Variants in PHC2 observed in about 807,000 individuals in gnomAD.
PHC2 encodes the protein polyhomeotic-like protein 2.
A neutral mutation model predicts 87.4 loss-of-function variants in PHC2; 29 were observed. The ratio of observed to expected loss-of-function variants is 0.33; its 90% confidence interval spans 0.25 to 0.45. The LOEUF (loss-of-function observed/expected upper bound fraction) is 0.45, where lower values mean the gene tolerates loss of function less well. Ranked by LOEUF, PHC2 falls within the 20% of genes least tolerant of loss-of-function variation. The pLI, the probability that PHC2 is intolerant of heterozygous loss-of-function variation, is 1.00. For missense variants in PHC2, 857 were observed against 1,136.7 expected, an observed-to-expected ratio of 0.75 and a Z score of 3.54; for synonymous variants, 438 against 461.7, an observed-to-expected ratio of 0.95 and a Z score of 0.66.
chr1:33,324,677 C>T lies in PHC2; in HGVS notation c.*188G>A, dbSNP rs571819948. 2 of 522,656 alleles carry T rather than the reference C, an allele frequency of 3.8e-6. No homozygotes were observed. The highest frequency in any genetic ancestry group is 3.1e-5 in the East Asian group (1 of 32,622). 32.4% of individuals were successfully genotyped at this position (522,656 alleles called of 1,614,324 possible). ...TCTTCTGTGCCACCTACCTCTCTGC[C>T]CCTCCCACAGAAATGAAAGGCCCCT... On this transcript the variant is annotated 3_prime_UTR_variant, in exon 15 of 15. Coordinates refer to ENST00000683057, the MANE Select transcript of PHC2 (RefSeq NM_001385109.1).
chr1:33,345,781 A>G, intron 9 of PHC2: 1 of 985,312 alleles, frequency 1.0e-6, no homozygotes, highest in Non-Finnish European at 1.2e-6. Flanking sequence ...TTTCCTAACA[A>G]TTCCCAAAAT....
intron 2 of PHC2, among the ~76,000 whole-genome samples, chr1:33,373,081 C>G (rs995140792): frequency 1.3e-5 from 2 of 152,076 alleles, no homozygotes; most frequent in Admixed American, 1.3e-4. Flanking sequence ...CCTTACAGAG[C>G]AGGCCAGTGC....
chr1:33,355,124 A>G lies in PHC2; in HGVS notation c.1106T>C (p.Val369Ala). 1 of 1,611,182 alleles carries G rather than the reference A, an allele frequency of 6.2e-7. No homozygotes were observed. Among genetic ancestry groups the G allele is most frequent in the South Asian group, 1.1e-5 (1 of 90,796 alleles). ...QQPPPQQSRPVLQAEPHPQLA... is the reference protein window; with the variant it reads ...QQPPPQQSRPALQAEPHPQLA... ...CTGGGGGTGGGGCTCAGCTTGGAGC[A>G]CAGGCCGTGACTGCTGGGGCGGCGG... The change falls in exon 8 of 15, where the codon GTG becomes GCG. Residue 369 changes from valine to alanine, a missense_variant. Physicochemically the swap from Val to Ala is moderately conservative, Grantham distance 64 (BLOSUM62 0). Transcript: ENST00000683057.
chr1:33,400,536 G>C (rs1272140607), intron 1 of PHC2, among the ~76,000 whole-genome samples: 1 of 152,196 alleles, frequency 6.6e-6, no homozygotes, highest in East Asian at 1.9e-4. Context: ...CCAATTCCAT[G>C]ACATAGGCAT....
chr1:33,331,051 G>A lies in PHC2; in HGVS notation c.2006+297C>T, dbSNP rs1646484020. On this transcript the variant is annotated intron_variant, in intron 12 of 14. Coordinates refer to ENST00000683057, the MANE Select transcript of PHC2 (RefSeq NM_001385109.1). This position sits in a 1 kb window ranked among gnomAD's most constrained non-coding sequence, Gnocchi z 5.2. ...TTCTGGGTAAGGCTTACCCTAACAA[G>A]GCAGGGGCTGTCAATGCTAGGAAAG... 6.6e-6 allele frequency among the ~76,000 whole-genome samples: 1 copy of A among 152,222 alleles called. No homozygotes were observed. Among genetic ancestry groups the A allele is most frequent in the African/African-American group, 2.4e-5 (1 of 41,468 alleles).
chr1:33,393,463 G>GTTTTTTTTTT (rs36030279), intron 1 of PHC2, among the ~76,000 whole-genome samples: 3 of 131,048 alleles, frequency 2.3e-5, no homozygotes, highest in Non-Finnish European at 1.6e-5. Context: ...TTTTCAAGAG[G>GTTTTTTTTTT]TTTTTTTTTT....
chr1:33,383,971 A>G (rs571280649), intron 1 of PHC2, among the ~76,000 whole-genome samples: 2 of 152,266 alleles, frequency 1.3e-5, no homozygotes, highest in South Asian at 2.1e-4. Flanking sequence ...AACATGATAC[A>G]TTTGTGTTGT....
intron 14 of PHC2, among the ~76,000 whole-genome samples, chr1:33,328,310 C>T (rs1646415003): frequency 6.6e-6 from 1 of 152,102 alleles, no homozygotes; most frequent in Admixed American, 6.5e-5. Flanking sequence ...CGCCCTCTTG[C>T]AGTCTCTCCA....
In PHC2 at chr1:33,418,693, T is replaced by C. The variant is rs114625667; in HGVS notation, c.-55+12283A>G. Among the ~76,000 whole-genome samples the C allele has an allele frequency of 4.7e-3, 720 of 152,276 alleles. 3 individuals carry two copies. Among genetic ancestry groups the C allele is most frequent in the Middle Eastern group, 0.017 (5 of 294 alleles). ...AAAAAGAAACAATGCCAATACTATA[T>C]AAACTCTTCTGGAAAACAGAAAAAG... is the stretch of plus-strand genomic sequence containing the variant. On this transcript the variant is annotated intron_variant, in intron 1 of 14. Coordinates refer to ENST00000683057, the MANE Select transcript of PHC2 (RefSeq NM_001385109.1).
At chr1:33,391,073 G>A (rs1422004282) in intron 1 of PHC2, among the ~76,000 whole-genome samples, 1 of 152,114 alleles carries the variant, frequency 6.6e-6, no homozygotes, top group African/African-American at 2.4e-5. Context: ...CAAAGAGTGA[G>A]GTCTTATTAA....
intron 1 of PHC2, among the ~76,000 whole-genome samples, chr1:33,422,497 C>T (rs1650469943): frequency 1.3e-5 from 2 of 152,224 alleles, no homozygotes; most frequent in African/African-American, 4.8e-5. Context: ...TTTGTCATGG[C>T]TTGAAGCTAC....
chr1:33,389,640 AT>A (rs2148359199), intron 1 of PHC2, among the ~76,000 whole-genome samples: 1 of 152,004 alleles, frequency 6.6e-6, no homozygotes, highest in East Asian at 1.9e-4. Flanking sequence ...CCTTACCCTC[AT>A]TTGCCCCAAA....
At position 33,349,823 on chromosome 1, in the gene PHC2, G is replaced by A. The variant is rs1328510845; in HGVS notation, c.1558+4578C>T. On this transcript the variant is annotated intron_variant, in intron 9 of 14. Coordinates refer to ENST00000683057, the MANE Select transcript of PHC2 (RefSeq NM_001385109.1). The surrounding 1 kb of genome is among the most constrained non-coding windows in gnomAD (Gnocchi z 4.2). The stretch of plus-strand genomic sequence containing the variant: ...GGACGGGGGCGCGAGGCCGGGGCGG[G>A]AGCGCGGGCGGCGGCCGGGGTTGCG... 4.1e-6 allele frequency: 4 copies of A among 976,754 alleles called. No individual in the cohort carries two copies. The highest frequency in any genetic ancestry group is 1.3e-4 in the Admixed American group (2 of 15,700). 60.5% of individuals were successfully genotyped at this position (976,754 alleles called of 1,614,324 possible). A position where few individuals can be genotyped will look rare whatever the true frequency, so the allele number is the denominator to read the frequency against.
At chr1:33,381,028 T>C (rs975077690) in intron 1 of PHC2, among the ~76,000 whole-genome samples, 3 of 152,224 alleles carry the variant, frequency 2.0e-5, no homozygotes, top group African/African-American at 7.2e-5. Flanking sequence ...CAATTTTTCA[T>C]GTAACCAACT....
In PHC2 at chr1:33,370,573, C is replaced by T; in HGVS notation, c.424G>A (p.Ala142Thr). Residue 142 changes from alanine to threonine, a missense_variant, in exon 5 of 15, where the codon GCC becomes ACC. Around this residue, in one of 3 missense-constraint regions of PHC2, gnomAD observed 832 missense variants for 1,081.8 expected, o/e 0.77. Transcript: ENST00000683057. ...PAQSSSINLA[A>T]SPAAAQLLNR... ...AGGAGCTGGGCTGCTGCTGGGGAGG[C>T]TGCCAGGTTGATCTAATGAGAGAGA... is the stretch of plus-strand genomic sequence containing the variant. The T allele has an allele frequency of 1.2e-6, 2 of 1,612,664 alleles. No homozygotes were observed. Among genetic ancestry groups the T allele is most frequent in the African/African-American group, 1.3e-5 (1 of 75,034 alleles).
At chr1:33,353,025 C>T (rs1428303363) in intron 9 of PHC2, among the ~76,000 whole-genome samples, 2 of 152,138 alleles carry the variant, frequency 1.3e-5, no homozygotes, top group Admixed American at 1.3e-4. Flanking sequence ...AGGGAACAGC[C>T]CTGCCCCTGA....
At position 33,349,518 on chromosome 1, in the gene PHC2, G is replaced by A; in HGVS notation, c.1558+4883C>T. Reference sequence around the variant, plus strand: ...CCGGGCCGTTAGGGGCACCGAGGGCGGTGCCCGACTTCCAGTGCGGCGAGC... The same window carrying A: ...CCGGGCCGTTAGGGGCACCGAGGGCAGTGCCCGACTTCCAGTGCGGCGAGC... On this transcript the variant is annotated intron_variant, in intron 9 of 14. Transcript: ENST00000683057. This position sits in a 1 kb window ranked among gnomAD's most constrained non-coding sequence, Gnocchi z 4.2. The A allele has an allele frequency of 2.0e-6, 2 of 984,272 alleles. No homozygotes were observed. The highest frequency in any genetic ancestry group is 9.4e-5 in the South Asian group (2 of 21,270). 61.0% of individuals were successfully genotyped at this position (984,272 alleles called of 1,614,324 possible).
At chr1:33,391,147 G>A (rs974359199) in intron 1 of PHC2, among the ~76,000 whole-genome samples, 3 of 152,172 alleles carry the variant, frequency 2.0e-5, no homozygotes, top group African/African-American at 7.2e-5. Context: ...TCACCTGGAG[G>A]GTTTGTTAAA....
intron 1 of PHC2, among the ~76,000 whole-genome samples, chr1:33,430,516 A>G (rs746817680): frequency 6.6e-6 from 1 of 152,008 alleles, no homozygotes; most frequent in Non-Finnish European, 1.5e-5. Context: ...CTGCGGGACA[A>G]GCGGAGCAGG....
Sources: allele counts gnomAD v4.1 joint callset (sites outside exome capture counted in the v4.1 genomes callset), GRCh38; gene constraint gnomAD v4.1.1; regional missense constraint gnomAD v4.1.1; non-coding constraint Gnocchi (gnomAD v3.1); transcripts MANE v1.5; gene names NCBI Gene and HGNC (gene_info 2026-07-23, HGNC 2026-07-21).